LRMDA: variants seen among roughly 807,000 people sequenced by gnomAD.
LRMDA encodes leucine-rich melanocyte differentiation-associated protein.
A neutral mutation model predicts 29.8 loss-of-function variants in LRMDA; 18 were observed. The observed-to-expected ratio is 0.60, with a 90% confidence interval of 0.42 to 0.90. The LOEUF is 0.90. Ranked by LOEUF, LRMDA falls within the 40% of genes least tolerant of loss-of-function variation. LRMDA has a pLI of 0.00. For missense variants in LRMDA, 273 were observed against 273.9 expected (o/e 1.00, Z 0.02); for synonymous variants, 125 against 109.4 (o/e 1.14, Z -0.89).
At chr10:75,444,047 G>A (rs1052859743) in intron 2 of LRMDA, among the ~76,000 whole-genome samples, 1 of 152,200 alleles carries the variant, frequency 6.6e-6, no homozygotes. Context: ...AAAAGAGATA[G>A]TTCTGCTGAT....
At chr10:75,530,332 G>A (rs1323319867) in intron 2 of LRMDA, among the ~76,000 whole-genome samples, 1 of 152,020 alleles carries the variant, frequency 6.6e-6, no homozygotes, top group Non-Finnish European at 1.5e-5. Flanking sequence ...AGTCTCCCTG[G>A]AGTAATGCTC....
At chr10:76,141,105 G>C (rs1201457145) in intron 5 of LRMDA, among the ~76,000 whole-genome samples, 1 of 152,022 alleles carries the variant, frequency 6.6e-6, no homozygotes, top group African/African-American at 2.4e-5. Context: ...TATTAAATGT[G>C]TATACCTTTT....
intron 2 of LRMDA, among the ~76,000 whole-genome samples, chr10:75,678,398 A>G (rs1841986391): frequency 6.6e-6 from 1 of 152,146 alleles, no homozygotes; most frequent in African/African-American, 2.4e-5. Flanking sequence ...GATGGTGGGG[A>G]GAAGTTTAAT....
At chr10:76,288,050 C>T (rs73289058) in intron 5 of LRMDA, among the ~76,000 whole-genome samples, 4,459 of 152,138 alleles carry the variant, frequency 0.029, 171 homozygotes, top group African/African-American at 0.09. Context: ...AATATAATGG[C>T]CTTTTATTAG....
chr10:75,540,253 G>A (rs1446762031), intron 2 of LRMDA, among the ~76,000 whole-genome samples: 1 of 152,188 alleles, frequency 6.6e-6, no homozygotes, highest in African/African-American at 2.4e-5. Context: ...CTTGTGCAAA[G>A]GTTTGGGAAC....
chr10:76,173,684 G>A (rs1382390443), intron 5 of LRMDA, among the ~76,000 whole-genome samples: 11 of 151,610 alleles, frequency 7.3e-5, no homozygotes, highest in South Asian at 4.2e-4. Flanking sequence ...TTTTTGAGAC[G>A]GAGTCTCACT....
At chr10:75,455,948 G>A (rs1362053824) in intron 2 of LRMDA, among the ~76,000 whole-genome samples, 1 of 152,198 alleles carries the variant, frequency 6.6e-6, no homozygotes, top group East Asian at 1.9e-4. Context: ...GCCCTCAGGG[G>A]TGGGTTGGAA....
At chr10:76,298,066 G>C (rs564573374) in intron 5 of LRMDA, among the ~76,000 whole-genome samples, 1 of 152,336 alleles carries the variant, frequency 6.6e-6, no homozygotes, top group African/African-American at 2.4e-5. Context: ...CGTGCGAGCT[G>C]CTGGTGCCAT....
chr10:75,720,584 G>A (rs1842554647), intron 2 of LRMDA, among the ~76,000 whole-genome samples: 1 of 152,202 alleles, frequency 6.6e-6, no homozygotes, highest in African/African-American at 2.4e-5. Flanking sequence ...GTGAAATTGT[G>A]TCGACTTCTG....
chr10:76,072,815 A>G (rs78554563), intron 5 of LRMDA, among the ~76,000 whole-genome samples: 1 of 152,174 alleles, frequency 6.6e-6, no homozygotes, highest in Non-Finnish European at 1.5e-5. Flanking sequence ...ATCTTTGTAA[A>G]CTGCTCTTTA....
intron 5 of LRMDA, among the ~76,000 whole-genome samples, chr10:76,239,376 T>C (rs2132282558): frequency 6.6e-6 from 1 of 152,308 alleles, no homozygotes; most frequent in African/African-American, 2.4e-5. Flanking sequence ...AGAATAATAA[T>C]TCCATAGGGC....
At chr10:76,120,077 G>T (rs1312650181) in intron 5 of LRMDA, among the ~76,000 whole-genome samples, 1 of 152,010 alleles carries the variant, frequency 6.6e-6, no homozygotes, top group East Asian at 1.9e-4. Flanking sequence ...AGCCCCCTTT[G>T]ACTCAATTAC....
chr10:76,126,240 T>C (rs1849880857), intron 5 of LRMDA, among the ~76,000 whole-genome samples: 1 of 152,240 alleles, frequency 6.6e-6, no homozygotes, highest in Non-Finnish European at 1.5e-5. Flanking sequence ...CCTCTGAACC[T>C]AGGATCTGCT....
chr10:76,171,973 C>G (rs991450127), intron 5 of LRMDA, among the ~76,000 whole-genome samples: 1 of 152,164 alleles, frequency 6.6e-6, no homozygotes, highest in Non-Finnish European at 1.5e-5. Context: ...GAAGGCCTCC[C>G]TCATACTGCT....
At chr10:75,817,070 G>T (rs1226291403) in intron 2 of LRMDA, among the ~76,000 whole-genome samples, 2 of 152,224 alleles carry the variant, frequency 1.3e-5, no homozygotes, top group African/African-American at 4.8e-5. Flanking sequence ...ATCATCGGTA[G>T]TGGTGGGATC....
intron 2 of LRMDA, among the ~76,000 whole-genome samples, chr10:75,867,667 C>A (rs1435690578): frequency 6.6e-6 from 1 of 152,180 alleles, no homozygotes; most frequent in Non-Finnish European, 1.5e-5. Flanking sequence ...TCCCTAAAAA[C>A]CCCATTTTTA....
intron 2 of LRMDA, among the ~76,000 whole-genome samples, chr10:75,675,552 G>A (rs1420494449): frequency 6.6e-6 from 1 of 152,188 alleles, no homozygotes; most frequent in African/African-American, 2.4e-5. Flanking sequence ...TCCAGAGGCA[G>A]CATGGGGTGA....
intron 2 of LRMDA, among the ~76,000 whole-genome samples, chr10:75,919,703 T>C (rs1195291771): frequency 6.6e-6 from 1 of 152,140 alleles, no homozygotes; most frequent in Non-Finnish European, 1.5e-5. Flanking sequence ...TCTGTAAAGT[T>C]GTATCTAAGG....
chr10:76,333,643 G>T (rs1840931898), intron 6 of LRMDA, among the ~76,000 whole-genome samples: 1 of 152,110 alleles, frequency 6.6e-6, no homozygotes, highest in Non-Finnish European at 1.5e-5. Flanking sequence ...AGAGAAACTG[G>T]ACAGTCAGTG....
Sources: allele counts gnomAD v4.1 joint callset (sites outside exome capture counted in the v4.1 genomes callset), GRCh38; gene constraint gnomAD v4.1.1; transcripts MANE v1.5; gene names NCBI Gene and HGNC (gene_info 2026-07-23, HGNC 2026-07-21).